The following CHODL variants were observed in gnomAD, a reference collection of about 807,000 sequenced individuals.
The protein encoded by CHODL is transmembrane protein MT75.
CHODL carries 29 observed loss-of-function variants against 34.5 expected under a neutral mutation model. The observed-to-expected ratio is 0.84, with a 90% CI of 0.63 to 1.15. CHODL has a LOEUF of 1.15. Among genes scored for constraint, CHODL ranks in the 50% most tolerant of loss-of-function variants. CHODL has a pLI of 0.00. For synonymous variants in CHODL, 125 were observed against 116.1 expected (o/e 1.08, Z -0.49); for missense variants, 332 against 332.5 (o/e 1.00, Z 0.01).
At chr21:17,940,614 G>GT (rs2146330067) in intron 1 of CHODL, among the ~76,000 whole-genome samples, 1 of 152,312 alleles carries the variant, frequency 6.6e-6, no homozygotes, top group African/African-American at 2.4e-5. Flanking sequence ...CTGGAGGGGA[G>GT]TTACAAGTAT....
intron 1 of CHODL, among the ~76,000 whole-genome samples, chr21:17,978,413 C>T (rs1331000525): frequency 2.5e-5 from 3 of 121,974 alleles, no homozygotes. Flanking sequence ...CAGAGCGAGA[C>T]TCCGTATCAA....
chr21:17,963,079 T>A (rs200002915), intron 1 of CHODL, among the ~76,000 whole-genome samples: 3,518 of 116,560 alleles, frequency 0.03, 96 homozygotes, highest in Middle Eastern at 0.083. Flanking sequence ...AAAAAAATAA[T>A]AATAATAATA....
At chr21:18,144,586 A>T (rs1175495970) in intron 2 of CHODL, among the ~76,000 whole-genome samples, 1 of 152,204 alleles carries the variant, frequency 6.6e-6, no homozygotes, top group African/African-American at 2.4e-5. Context: ...GATCCCACTT[A>T]CTGATTCCAT....
chr21:18,249,821 G>C (rs1431961393), intron 1 of CHODL, among the ~76,000 whole-genome samples: 2 of 152,110 alleles, frequency 1.3e-5, no homozygotes, highest in African/African-American at 4.8e-5. Flanking sequence ...GGATTGCTAG[G>C]AATATTAAAA....
chr21:17,988,931 G>A (rs2063776299), intron 1 of CHODL, among the ~76,000 whole-genome samples: 2 of 152,032 alleles, frequency 1.3e-5, no homozygotes, highest in African/African-American at 4.8e-5. Context: ...GGATGGCTGG[G>A]TCAAATGGTA....
rs191000317 is a variant in CHODL at position 17,923,652 on chromosome 21, G to A, written c.-145+6252G>A. On this transcript the variant is annotated intron_variant, in intron 1 of 6. Transcript: ENST00000400127. ...AATTTTTTGTATTTTTAGTAGAGAC[G>A]GGGTTTCACCATGTTGGTCAGGCTG... Among the ~76,000 whole-genome samples the A allele has an allele frequency of 4.3e-4, 66 of 151,988 alleles. 1 individual carries two copies. The highest frequency in any genetic ancestry group is 1.3e-3 in the African/African-American group (53 of 41,458).
intron 2 of CHODL, among the ~76,000 whole-genome samples, chr21:18,085,940 T>C (rs2065000847): frequency 1.3e-5 from 2 of 151,860 alleles, no homozygotes; most frequent in Admixed American, 1.3e-4. Flanking sequence ...TTTTCTTAAA[T>C]AGATTTTCTG....
chr21:18,089,559 TTC>T (rs1349612096), intron 2 of CHODL, among the ~76,000 whole-genome samples: 3 of 152,228 alleles, frequency 2.0e-5, no homozygotes, highest in Admixed American at 6.5e-5. Flanking sequence ...ACACAGTATA[TTC>T]TGTTTTCTAA....
intron 1 of CHODL, among the ~76,000 whole-genome samples, chr21:18,004,822 T>TA (rs1369189634): frequency 7.1e-6 from 1 of 139,938 alleles, no homozygotes; most frequent in Non-Finnish European, 1.5e-5. Context: ...TTAAATGAGG[T>TA]AAAAAATTGC....
intron 2 of CHODL, among the ~76,000 whole-genome samples, chr21:18,206,034 A>C (rs903073386): frequency 6.6e-6 from 1 of 152,218 alleles, no homozygotes; most frequent in African/African-American, 2.4e-5. Flanking sequence ...AAAGTTTAAC[A>C]CTAGTTTTGT....
At chr21:18,214,830 G>A (rs939343536) in intron 2 of CHODL, among the ~76,000 whole-genome samples, 2 of 152,054 alleles carry the variant, frequency 1.3e-5, no homozygotes, top group African/African-American at 2.4e-5. Context: ...CTAACTTACA[G>A]CGTAGACCAA....
rs1394269759 is a variant in CHODL, at chr21:17,984,567, T to C, written c.-144-43305T>C. ...GTCTTTTGTACATGACTTTTTTTAA[T>C]TAAAATACTTTCTAGTTTGGTGTTT... is the stretch of plus-strand genomic sequence containing the variant. On this transcript the variant is annotated intron_variant, in intron 1 of 6. Transcript: ENST00000400127. 1.1e-4 allele frequency among the ~76,000 whole-genome samples: 16 copies of C among 152,298 alleles called. No homozygotes were observed. The East Asian group carries it at 3.1e-3, about 29-fold the overall frequency.
intron 2 of CHODL, among the ~76,000 whole-genome samples, chr21:18,178,128 CA>C (rs1385737102): frequency 6.6e-6 from 1 of 152,084 alleles, no homozygotes; most frequent in Non-Finnish European, 1.5e-5. Flanking sequence ...ACCACTTTTA[CA>C]ATATAATTTT....
At chr21:18,002,240 C>T (rs767959580) in intron 1 of CHODL, among the ~76,000 whole-genome samples, 9 of 152,252 alleles carry the variant, frequency 5.9e-5, no homozygotes, top group Middle Eastern at 3.4e-3. Flanking sequence ...ATGATTAAAA[C>T]TTAATACTGA....
intron 1 of CHODL, among the ~76,000 whole-genome samples, chr21:17,931,375 C>G (rs1234328247): frequency 6.6e-6 from 1 of 152,196 alleles, no homozygotes; most frequent in Non-Finnish European, 1.5e-5. Flanking sequence ...TCAACTTATA[C>G]TATAGTCACA....
At chr21:18,173,687 T>C (rs2146664197) in intron 2 of CHODL, among the ~76,000 whole-genome samples, 1 of 152,254 alleles carries the variant, frequency 6.6e-6, no homozygotes, top group South Asian at 2.1e-4. Context: ...AAGTCTATGC[T>C]ATCTACATTG....
At chr21:18,097,780 A>G (rs987067415) in intron 2 of CHODL, among the ~76,000 whole-genome samples, 1 of 152,142 alleles carries the variant, frequency 6.6e-6, no homozygotes, top group Non-Finnish European at 1.5e-5. Flanking sequence ...AGCAAAAAGA[A>G]CAAAACTAGT....
At chr21:18,082,368 G>A (rs1266523360) in intron 2 of CHODL, among the ~76,000 whole-genome samples, 1 of 152,168 alleles carries the variant, frequency 6.6e-6, no homozygotes, top group African/African-American at 2.4e-5. Flanking sequence ...GTCTCAGGTA[G>A]TTCTTTATAG....
chr21:18,082,142 G>T (rs1009369179), intron 2 of CHODL, among the ~76,000 whole-genome samples: 4 of 152,158 alleles, frequency 2.6e-5, no homozygotes, highest in Non-Finnish European at 5.9e-5. Context: ...TGCTGTTCTT[G>T]TATTAGTGAG....
Sources: allele counts gnomAD v4.1 joint callset (sites outside exome capture counted in the v4.1 genomes callset), GRCh38; gene constraint gnomAD v4.1.1; transcripts MANE v1.5; gene names NCBI Gene and HGNC (gene_info 2026-07-23, HGNC 2026-07-21).